NIPA1: variants seen among roughly 807,000 people sequenced by gnomAD.
NIPA1 encodes NIPA magnesium transporter 1.
In NIPA1, 13 loss-of-function variants were observed where a neutral mutation model predicts 23.9. The ratio of observed to expected loss-of-function variants is 0.54; its 90% CI spans 0.35 to 0.87. The LOEUF is 0.87. NIPA1 is among the 40% of genes least tolerant of loss of function. The pLI is 0.01. For missense variants in NIPA1, 362 were observed against 429.7 expected (o/e 0.84, Z 1.39); for synonymous variants, 234 against 202.9 (o/e 1.15, Z -1.30).
intron 3 of NIPA1, among the ~76,000 whole-genome samples, chr15:22,813,378 G>A (rs1895355577): frequency 6.6e-6 from 1 of 152,074 alleles, no homozygotes; most frequent in South Asian, 2.1e-4. Context: ...AGGTTGCCCA[G>A]TTGTGGGGCA....
intron 4 of NIPA1, among the ~76,000 whole-genome samples, chr15:22,821,801 C>G (rs898047034): frequency 3.3e-5 from 5 of 152,202 alleles, no homozygotes; most frequent in African/African-American, 1.2e-4. Flanking sequence ...GCCAGCAGTT[C>G]CCAGCCCTCT....
At chr15:22,807,804 GA>G (rs1895240977) in intron 1 of NIPA1, among the ~76,000 whole-genome samples, 8 of 150,800 alleles carry the variant, frequency 5.3e-5, no homozygotes, top group African/African-American at 1.2e-4. Flanking sequence ...GTGTGTGTGT[GA>G]TGGAGTCTCT....
chr15:22,787,536 T>C (rs1401427946), intron 1 of NIPA1, among the ~76,000 whole-genome samples: 1 of 152,144 alleles, frequency 6.6e-6, no homozygotes, highest in Non-Finnish European at 1.5e-5. Flanking sequence ...ACTTCCCAGG[T>C]GGATGTGCCG....
At chr15:22,802,864 G>T (rs796106614) in intron 1 of NIPA1, among the ~76,000 whole-genome samples, 9 of 152,202 alleles carry the variant, frequency 5.9e-5, no homozygotes, top group African/African-American at 2.2e-4. Flanking sequence ...CGTGATGTGG[G>T]TATCAGCAAT....
chr15:22,801,304 A>G (rs1481893654), intron 1 of NIPA1, among the ~76,000 whole-genome samples: 1 of 152,040 alleles, frequency 6.6e-6, no homozygotes, highest in Non-Finnish European at 1.5e-5. Context: ...TTCTGTTCAC[A>G]TCAGCAGAGC....
At position 22,829,732 on chromosome 15, in the gene NIPA1, C is replaced by T. The variant is rs1895716989; in HGVS notation, c.*5493C>T. ...TAAATAAAAAGGCTATTAAGTTTTC[C>T]AGTAATATTTATTAATCTGTATGTG... On this transcript the variant is annotated 3_prime_UTR_variant, in exon 5 of 5. Transcript: ENST00000337435. 1 of 152,020 alleles carries T rather than the reference C, an allele frequency of 6.6e-6. No homozygotes were observed. The highest frequency in any genetic ancestry group is 2.1e-4 in the South Asian group (1 of 4,830). 9.4% of individuals were successfully genotyped at this position (152,020 alleles called of 1,614,324 possible).
intron 1 of NIPA1, among the ~76,000 whole-genome samples, chr15:22,791,732 C>T (rs1197173465): frequency 6.6e-6 from 1 of 152,058 alleles, no homozygotes; most frequent in East Asian, 1.9e-4. Flanking sequence ...TCCCAAAGTG[C>T]TGGGATTACA....
intron 1 of NIPA1, among the ~76,000 whole-genome samples, chr15:22,797,402 C>T (rs1434001814): frequency 4.0e-5 from 6 of 151,634 alleles, no homozygotes; most frequent in East Asian, 1.9e-4. Flanking sequence ...TGAGTAGAGA[C>T]GGGGTTTCAC....
chr15:22,814,069 C>T (rs1445134029), intron 3 of NIPA1: 3 of 1,256,912 alleles, frequency 2.4e-6, no homozygotes, highest in South Asian at 1.2e-5. Context: ...ATGTTCACTG[C>T]TCCACATCTG....
chr15:22,791,196 G>A (rs1894817288), intron 1 of NIPA1, among the ~76,000 whole-genome samples: 1 of 152,106 alleles, frequency 6.6e-6, no homozygotes, highest in Non-Finnish European at 1.5e-5. Context: ...GATCTCTCAA[G>A]TTGCCCGCTT....
Position 22,786,671 on chromosome 15 carries a change from TGCGGCA to T in NIPA1, c.21_26del (p.Ala15_Ala16del), listed in dbSNP as rs1555371600. 8.3e-5 allele frequency: 89 copies of T among 1,065,976 alleles called. 1 individual carries two copies. In the African/African-American group the frequency reaches 9.1e-4, roughly 11 times the overall value. 66.0% of individuals were successfully genotyped at this position (1,065,976 alleles called of 1,614,324 possible). On this transcript the variant is annotated inframe_deletion, in exon 1 of 5. Coordinates refer to ENST00000337435, the MANE Select transcript of NIPA1 (RefSeq NM_144599.5). ...GCGCGGGCGGAATGGGGACTGCAGC[TGCGGCA>T]GCGGCGGCGGCGGCGGCGGCGGCGG...
chr15:22,790,288 G>C (rs924569313), intron 1 of NIPA1, among the ~76,000 whole-genome samples: 15 of 152,168 alleles, frequency 9.9e-5, no homozygotes, highest in African/African-American at 1.9e-4. Flanking sequence ...TTGTTTCAAT[G>C]TCTGCTTTGA....
At chr15:22,804,998 G>T (rs1895175993) in intron 1 of NIPA1, among the ~76,000 whole-genome samples, 1 of 152,088 alleles carries the variant, frequency 6.6e-6, no homozygotes, top group Admixed American at 6.6e-5. Flanking sequence ...CTGCCACCAT[G>T]CCTGGCTAAT....
chr15:22,801,507 CTTTT>C (rs35360583), intron 1 of NIPA1, among the ~76,000 whole-genome samples: 52 of 78,970 alleles, frequency 6.6e-4, no homozygotes, highest in Middle Eastern at 7.8e-3. Context: ...CTTCTAGCGA[CTTTT>C]TTTTTTTTTT....
chr15:22,801,176 T>G (rs564798668), intron 1 of NIPA1, among the ~76,000 whole-genome samples: 2 of 152,260 alleles, frequency 1.3e-5, no homozygotes, highest in African/African-American at 4.8e-5. Context: ...GTCCCCCTGT[T>G]AGATGTTCTT....
rs888904808 is a variant in NIPA1 at position 22,828,537 on chromosome 15, C to T, written c.*4298C>T. 2.6e-5 allele frequency: 4 copies of T among 152,490 alleles called. No individual in the cohort carries two copies. The highest frequency in any genetic ancestry group is 4.8e-5 in the African/African-American group (2 of 41,404). The allele number at this position is 152,490 out of a possible 1,614,324, so 9.4% of individuals were successfully genotyped here. ...GCAGTGAGAATTTGGCCCACTACCA[C>T]GACTCATTTGTTTCATTCACATTCC... is the stretch of plus-strand genomic sequence containing the variant. On this transcript the variant is annotated 3_prime_UTR_variant, in exon 5 of 5. Transcript: ENST00000337435.
rs774213093 is a variant in NIPA1 at position 22,823,690 on chromosome 15, C to G, written c.479-38C>G. On this transcript the variant is annotated intron_variant, in intron 4 of 4. Coordinates refer to ENST00000337435, the MANE Select transcript of NIPA1 (RefSeq NM_144599.5). ...CACCTCCTGGGTTGCGGCTGCTAGG[C>G]GGTGGCTCCGGGTGACTGTGTGCTG... The G allele has an allele frequency of 3.8e-6, 6 of 1,572,116 alleles. No individual in the cohort carries two copies. The Admixed American group carries it at 1.1e-4, about 28-fold the overall frequency.
In NIPA1 at chr15:22,829,280, G is replaced by A. The variant is rs1307651252; in HGVS notation, c.*5041G>A. On this transcript the variant is annotated 3_prime_UTR_variant, in exon 5 of 5. Transcript: ENST00000337435. ...TTGCACTGGATTTGTAATAAATGAC[G>A]CTGAACTTCCTGCTTCCAAGCAGCT... 2.0e-5 allele frequency: 3 copies of A among 152,112 alleles called. No individual in the cohort carries two copies. Among genetic ancestry groups the A allele is most frequent in the Non-Finnish European group, 4.4e-5 (3 of 68,016 alleles). 9.4% of individuals were successfully genotyped at this position (152,112 alleles called of 1,614,324 possible).
At chr15:22,807,458 G>A (rs899876366) in intron 1 of NIPA1, among the ~76,000 whole-genome samples, 1 of 152,088 alleles carries the variant, frequency 6.6e-6, no homozygotes, top group African/African-American at 2.4e-5. Flanking sequence ...GGTGGCCCAC[G>A]CCTGTAATCC....
Sources: gnomAD v4.1 joint callset for allele counts (sites outside exome capture counted in the v4.1 genomes callset) on GRCh38, gnomAD v4.1.1 for gene constraint, MANE v1.5 for transcripts, NCBI Gene and HGNC (gene_info 2026-07-23, HGNC 2026-07-21) for gene names.